CPED1: variants seen among roughly 807,000 people sequenced by gnomAD.
The protein encoded by CPED1 is cadherin-like and PC-esterase domain-containing protein 1.
In CPED1, 114 loss-of-function variants were observed where a neutral mutation model predicts 128.2. That is an observed-to-expected ratio of 0.89 (90% CI 0.76 to 1.04). The LOEUF (loss-of-function observed/expected upper bound fraction) is 1.04, where lower values mean the gene tolerates loss of function less well. Among genes scored for constraint, CPED1 ranks in the 50% least tolerant of loss-of-function variants. The pLI is 0.00. For synonymous variants in CPED1, 462 were observed against 426.7 expected (o/e 1.08, Z -1.02); for missense variants, 1,211 against 1,207.1 (o/e 1.00, Z -0.05).
rs113057571 is a variant in CPED1 at position 121,042,073 on chromosome 7, G to A, written c.434-4814G>A. ...ACCTTTCTATTTAAGACCTTGGTAA[G>A]CCTGATCAGGAAGTTCTGGTTTCTC... On this transcript the variant is annotated intron_variant, in intron 3 of 22. Transcript: ENST00000310396. Among the ~76,000 whole-genome samples, 848 of 151,644 alleles carry A rather than the reference G, an allele frequency of 5.6e-3. 12 individuals are homozygous for A. Among genetic ancestry groups the A allele is most frequent in the African/African-American group, 0.019 (802 of 41,252 alleles).
chr7:121,297,180 C>T lies in CPED1; in HGVS notation c.*1528C>T, dbSNP rs1792839121. ...AAAAATAAAACTTTTCTAATATACACTTAAATGCAAACATCATTTTTAAAT... is the reference window on the plus strand; with the variant it reads ...AAAAATAAAACTTTTCTAATATACATTTAAATGCAAACATCATTTTTAAAT... On this transcript the variant is annotated 3_prime_UTR_variant, in exon 23 of 23. Coordinates refer to ENST00000310396, the MANE Select transcript of CPED1 (RefSeq NM_024913.5). The T allele has an allele frequency of 6.6e-6, 1 of 151,898 alleles. No homozygotes were observed. The highest frequency in any genetic ancestry group is 6.6e-5 in the Admixed American group (1 of 15,246). The allele number at this position is 151,898 out of a possible 1,614,324, so 9.4% of individuals were successfully genotyped here. A position where few individuals can be genotyped will look rare whatever the true frequency, so the allele number is the denominator to read the frequency against.
At position 121,176,216 on chromosome 7, in the gene CPED1, A is replaced by ACAAAAAAAAAAAAAAAAAAAAAAAAAAAC. The variant is rs1796776160; in HGVS notation, c.2055+34077_2055+34078insAAAAAAAAAAAAAAAAAAAAAAAAAACCA. On this transcript the variant is annotated intron_variant, in intron 16 of 22. Transcript: ENST00000310396. ...TGGAAAAAAAAAAAAAAAAAAAAAA[A>ACAAAAAAAAAAAAAAAAAAAAAAAAAAAC]CACCTCTGGAAATAACTTGAATTGC... Among the ~76,000 whole-genome samples, 2 of 93,036 alleles carry ACAAAAAAAAAAAAAAAAAAAAAAAAAAAC rather than the reference A, an allele frequency of 2.1e-5. 1 individual carries two copies. 61.0% of individuals were successfully genotyped at this position (93,036 alleles called of 152,430 possible). A position where few individuals can be genotyped will look rare whatever the true frequency, so the allele number is the denominator to read the frequency against.
At chr7:121,139,057 T>C (rs1795844327) in intron 14 of CPED1, among the ~76,000 whole-genome samples, 1 of 152,086 alleles carries the variant, frequency 6.6e-6, no homozygotes, top group Non-Finnish European at 1.5e-5. Flanking sequence ...AAAAACAATT[T>C]CTGCCTTCAT....
rs1792836558 is a variant in CPED1 at position 121,297,046 on chromosome 7, CTG to C, written c.*1396_*1397del. ...AAGATAAACATGAATTTATATTTAA[CTG>C]TCTTAAATTATATTTACATAAATGC... On this transcript the variant is annotated 3_prime_UTR_variant, in exon 23 of 23. Transcript: ENST00000310396. The C allele has an allele frequency of 2.6e-5, 4 of 151,982 alleles. 1 individual carries two copies. In the South Asian group the frequency reaches 8.3e-4, roughly 32 times the overall value. 9.4% of individuals were successfully genotyped at this position (151,982 alleles called of 1,614,324 possible).
At chr7:121,259,493 T>G (rs1413122482) in intron 18 of CPED1, among the ~76,000 whole-genome samples, 1 of 152,084 alleles carries the variant, frequency 6.6e-6, no homozygotes, top group Admixed American at 6.6e-5. Context: ...GATATACAAT[T>G]GTGTTGAATT....
chr7:121,099,526 C>A (rs1291641229), intron 6 of CPED1, among the ~76,000 whole-genome samples: 1 of 152,144 alleles, frequency 6.6e-6, no homozygotes, highest in Non-Finnish European at 1.5e-5. Flanking sequence ...TGCCACCATG[C>A]CCAGCTAATT....
intron 16 of CPED1, among the ~76,000 whole-genome samples, chr7:121,208,665 G>T (rs1401163557): frequency 6.6e-6 from 1 of 151,990 alleles, no homozygotes; most frequent in East Asian, 1.9e-4. Context: ...AATAATATTA[G>T]ATCTGAATCC....
intron 18 of CPED1, among the ~76,000 whole-genome samples, chr7:121,250,088 A>C (rs1254070764): frequency 6.6e-6 from 1 of 152,238 alleles, no homozygotes; most frequent in African/African-American, 2.4e-5. Context: ...ACTCCTCAGC[A>C]AATGTAAAAG....
At chr7:121,039,744 A>T (rs1792999263) in intron 3 of CPED1, among the ~76,000 whole-genome samples, 1 of 152,100 alleles carries the variant, frequency 6.6e-6, no homozygotes, top group Non-Finnish European at 1.5e-5. Context: ...CATTTAAAAA[A>T]ACTAGGAGGG....
intron 16 of CPED1, among the ~76,000 whole-genome samples, chr7:121,202,745 G>C (rs1254897205): frequency 6.6e-6 from 1 of 152,064 alleles, no homozygotes; most frequent in African/African-American, 2.4e-5. Flanking sequence ...CAGTCTGTAA[G>C]TATTTGTTGA....
At chr7:121,110,193 T>G (rs1795074547) in intron 7 of CPED1, among the ~76,000 whole-genome samples, 1 of 152,202 alleles carries the variant, frequency 6.6e-6, no homozygotes, top group Non-Finnish European at 1.5e-5. Context: ...AATTAGCCTT[T>G]TGATTCCTGC....
chr7:121,198,266 T>C (rs1306629246), intron 16 of CPED1, among the ~76,000 whole-genome samples: 1 of 152,080 alleles, frequency 6.6e-6, no homozygotes, highest in Non-Finnish European at 1.5e-5. Context: ...ATAAGAAGGC[T>C]TTTTTATTCA....
intron 3 of CPED1, among the ~76,000 whole-genome samples, chr7:121,037,382 T>A (rs1181160524): frequency 2.0e-5 from 3 of 151,806 alleles, no homozygotes; most frequent in African/African-American, 7.2e-5. Flanking sequence ...CCAGCACCAT[T>A]TGTTGAATAG....
At chr7:121,168,156 C>T (rs979087583) in intron 16 of CPED1, among the ~76,000 whole-genome samples, 27 of 152,162 alleles carry the variant, frequency 1.8e-4, no homozygotes, top group Middle Eastern at 3.2e-3. Context: ...GCTATCATAG[C>T]GGGAGGCTCT....
At chr7:121,060,998 C>T (rs1793654433) in intron 4 of CPED1, 1 of 151,600 alleles carries the variant, frequency 6.6e-6, no homozygotes, top group East Asian at 1.9e-4. Context: ...TAACACTCAC[C>T]GCGAAGGTCT....
At chr7:121,069,910 T>G (rs1036462996) in intron 5 of CPED1, among the ~76,000 whole-genome samples, 2 of 152,026 alleles carry the variant, frequency 1.3e-5, no homozygotes, top group African/African-American at 4.8e-5. Context: ...GTTTGCCCAA[T>G]TTTTGGCCAT....
chr7:121,263,896 A>G (rs906356623), intron 18 of CPED1, among the ~76,000 whole-genome samples: 1 of 152,054 alleles, frequency 6.6e-6, no homozygotes, highest in Non-Finnish European at 1.5e-5. Flanking sequence ...GTCCTTTACT[A>G]TCGTTATGGA....
chr7:121,104,480 T>C (rs1009340537), intron 7 of CPED1, among the ~76,000 whole-genome samples: 12 of 152,188 alleles, frequency 7.9e-5, no homozygotes, highest in Admixed American at 7.9e-4. Flanking sequence ...GCAACTGTAA[T>C]ATCTGTAACT....
chr7:121,108,848 A>T (rs1416450828), intron 7 of CPED1, among the ~76,000 whole-genome samples: 1 of 152,058 alleles, frequency 6.6e-6, no homozygotes, highest in East Asian at 1.9e-4. Flanking sequence ...AAGCTCAAAA[A>T]CACCACCCTG....
Sources: allele counts gnomAD v4.1 joint callset (sites outside exome capture counted in the v4.1 genomes callset), GRCh38; gene constraint gnomAD v4.1.1; transcripts MANE v1.5; gene names NCBI Gene and HGNC (gene_info 2026-07-23, HGNC 2026-07-21).